CD53: variants seen among roughly 807,000 people sequenced by gnomAD.
The protein encoded by CD53 is CD53 molecule, also known as leukocyte surface antigen CD53.
A neutral mutation model predicts 27.3 loss-of-function variants in CD53; 20 were observed. The ratio of observed to expected loss-of-function variants is 0.73; its 90% CI spans 0.52 to 1.07. The LOEUF is 1.07. Among genes scored for constraint, CD53 ranks in the 50% least tolerant of loss-of-function variants. The pLI is 0.00. For synonymous variants in CD53, 106 were observed against 105.3 expected (o/e 1.01, Z -0.04); for missense variants, 216 against 264.0 (o/e 0.82, Z 1.26).
chr1:110,896,951 CTAGACTATTACAT>C (rs1383157319), intron 6 of CD53, among the ~76,000 whole-genome samples: 2 of 152,202 alleles, frequency 1.3e-5, no homozygotes, highest in African/African-American at 4.8e-5. Flanking sequence ...TCTTGCTACA[CTAGACTATTACAT>C]TAGAGGGGAA....
chr1:110,885,401 G>A (rs552160104), intron 1 of CD53, among the ~76,000 whole-genome samples: 3 of 152,274 alleles, frequency 2.0e-5, no homozygotes, highest in African/African-American at 7.2e-5. Flanking sequence ...AGCTGGACGT[G>A]GTGGCAGGCG....
At chr1:110,878,469 G>A (rs1301720692) in intron 1 of CD53, among the ~76,000 whole-genome samples, 2 of 152,178 alleles carry the variant, frequency 1.3e-5, no homozygotes, top group Admixed American at 1.3e-4. Flanking sequence ...AAAGACGTTT[G>A]CCAAAATGCT....
chr1:110,876,128 A>G (rs572875155), intron 1 of CD53, among the ~76,000 whole-genome samples: 1 of 152,370 alleles, frequency 6.6e-6, no homozygotes, highest in East Asian at 1.9e-4. Flanking sequence ...TTTAGATTCA[A>G]ATAAAGTATC....
rs559521199 is a variant in CD53 at position 110,893,772 on chromosome 1, T to C, written c.253-555T>C. 1.1e-4 allele frequency among the ~76,000 whole-genome samples: 16 copies of C among 152,222 alleles called. No individual in the cohort carries two copies. The South Asian group carries it at 3.3e-3, about 32-fold the overall frequency. On this transcript the variant is annotated intron_variant, in intron 3 of 7. Transcript: ENST00000271324. ...TAAGCAGTCAAAATTAATGTTGGGG[T>C]AAAAAAGGTGAAGGAGAAGGAATAA...
At chr1:110,880,933 G>A (rs1324397661) in intron 1 of CD53, among the ~76,000 whole-genome samples, 1 of 152,160 alleles carries the variant, frequency 6.6e-6, no homozygotes, top group African/African-American at 2.4e-5. Flanking sequence ...TTAGGATGAT[G>A]AGTAACTAAC....
In CD53 at chr1:110,892,199, G is replaced by A. The variant is rs576573301; in HGVS notation, c.64-146G>A. The A allele has an allele frequency of 4.3e-5, 30 of 698,086 alleles. 1 individual carries two copies. The South Asian group carries it at 5.0e-4, about 12-fold the overall frequency. 43.2% of individuals were successfully genotyped at this position (698,086 alleles called of 1,614,324 possible). On this transcript the variant is annotated intron_variant, in intron 2 of 7. Transcript: ENST00000271324. Reference sequence around the variant, plus strand: ...AGATTGCCTCTCCAATGTAAGCATGGAAAAGTTTGGTAAAGAAATTGTTCA... The same window carrying A: ...AGATTGCCTCTCCAATGTAAGCATGAAAAAGTTTGGTAAAGAAATTGTTCA...
intron 1 of CD53, among the ~76,000 whole-genome samples, chr1:110,886,186 T>TC (rs1271497244): frequency 3.9e-5 from 6 of 152,174 alleles, no homozygotes; most frequent in Non-Finnish European, 7.3e-5. Flanking sequence ...TCCACTTTCT[T>TC]CCAGCTTGCC....
intron 3 of CD53, 30 bp downstream of exon 3, chr1:110,892,563 A>G (rs1656897948): frequency 6.4e-7 from 1 of 1,568,866 alleles, no homozygotes; most frequent in East Asian, 2.2e-5. Context: ...GTGGTGCCCC[A>G]AGTCGGGGAG....
At chr1:110,898,994 T>C in intron 7 of CD53, 130 bp from the exon 8 acceptor site, 1 of 652,236 alleles carries the variant, frequency 1.5e-6, no homozygotes, top group Non-Finnish European at 2.7e-6. Context: ...GAGAGAGACT[T>C]GAAAGTAATG....
intron 1 of CD53, 39 bp from the exon 2 acceptor site, chr1:110,891,353 A>C: frequency 7.6e-7 from 1 of 1,310,878 alleles, no homozygotes; most frequent in East Asian, 2.3e-5. Flanking sequence ...GCTACCTTAC[A>C]GAGTGAGGTA....
chr1:110,897,757 T>G, intron 6 of CD53, 52 bp from the exon 7 acceptor site: 14 of 1,090,698 alleles, frequency 1.3e-5, no homozygotes, highest in Non-Finnish European at 2.0e-5. Context: ...TACTTCCTCT[T>G]GATATGGTGG....
At chr1:110,877,357 C>A (rs1484845370) in intron 1 of CD53, among the ~76,000 whole-genome samples, 2 of 152,160 alleles carry the variant, frequency 1.3e-5, no homozygotes, top group Non-Finnish European at 2.9e-5. Flanking sequence ...AGCCAGCCTG[C>A]AGACACCATG....
In CD53 at chr1:110,897,982, C is replaced by T. The variant is rs1657137140; in HGVS notation, c.588+90C>T. 3 of 635,158 alleles carry T rather than the reference C, an allele frequency of 4.7e-6. No homozygotes were observed. The South Asian group carries it at 6.8e-5, about 14-fold the overall frequency. 39.3% of individuals were successfully genotyped at this position (635,158 alleles called of 1,614,324 possible). On this transcript the variant is annotated intron_variant, in intron 7 of 7. Coordinates refer to ENST00000271324, the MANE Select transcript of CD53 (RefSeq NM_000560.4). The stretch of plus-strand genomic sequence containing the variant: ...TAATACCAGGTACACAGTATTTACA[C>T]AATAAATGTTAGCTATTTTTACTAA...
At chr1:110,879,702 A>T (rs1485988803) in intron 1 of CD53, among the ~76,000 whole-genome samples, 1 of 152,180 alleles carries the variant, frequency 6.6e-6, no homozygotes, top group Non-Finnish European at 1.5e-5. Flanking sequence ...GCTGAAGATG[A>T]AGAACTGATA....
At chr1:110,893,188 A>T (rs570678683) in intron 3 of CD53, among the ~76,000 whole-genome samples, 5 of 152,244 alleles carry the variant, frequency 3.3e-5, no homozygotes, top group African/African-American at 4.8e-5. Flanking sequence ...CCCAGAACAG[A>T]GCTTGGTGTA....
intron 6 of CD53, chr1:110,897,550 C>G (rs1657119191): frequency 3.2e-6 from 1 of 309,362 alleles, no homozygotes; most frequent in Non-Finnish European, 6.0e-6. Flanking sequence ...CTCTTAGAAG[C>G]TAGTTTAACT....
At chr1:110,888,932 A>G (rs1656735323) in intron 1 of CD53, among the ~76,000 whole-genome samples, 2 of 152,142 alleles carry the variant, frequency 1.3e-5, no homozygotes, top group African/African-American at 4.8e-5. Flanking sequence ...CCACCATGAA[A>G]TATTCTTTGA....
intron 6 of CD53, among the ~76,000 whole-genome samples, chr1:110,897,277 G>C (rs1222435633): frequency 6.6e-6 from 1 of 152,220 alleles, no homozygotes; most frequent in Non-Finnish European, 1.5e-5. Flanking sequence ...CTTCCAACTA[G>C]ACCGAATCCC....
intron 1 of CD53, among the ~76,000 whole-genome samples, chr1:110,875,734 A>G (rs1656105967): frequency 6.6e-6 from 1 of 152,208 alleles, no homozygotes; most frequent in Non-Finnish European, 1.5e-5. Context: ...ACAGCTATGC[A>G]GAGCAGGACT....
Sources: gnomAD v4.1 joint callset for allele counts (sites outside exome capture counted in the v4.1 genomes callset) on GRCh38, gnomAD v4.1.1 for gene constraint, MANE v1.5 for transcripts, NCBI Gene and HGNC (gene_info 2026-07-23, HGNC 2026-07-21) for gene names.